Variants in CSMD1 observed in about 807,000 individuals in gnomAD.
CSMD1 encodes CUB and Sushi multiple domains 1, also known as CUB and sushi domain-containing protein 1.
In CSMD1, 213 loss-of-function variants were observed where a neutral mutation model predicts 417.5. The observed-to-expected ratio is 0.51, with a 90% CI of 0.46 to 0.57. The LOEUF is 0.57. Ranked by LOEUF, CSMD1 falls within the 20% of genes least tolerant of loss-of-function variation. CSMD1 has a pLI of 0.00. For synonymous variants in CSMD1, 2,862 were observed against 1,736.8 expected (o/e 1.65, Z -16.11); for missense variants, 6,923 against 4,529.7 (o/e 1.53, Z -15.17).
Position 3,309,164 on chromosome 8 carries a change from G to T in CSMD1, c.3632-661C>A, listed in dbSNP as rs536585858. Among the ~76,000 whole-genome samples, 4 of 152,210 alleles carry T rather than the reference G, an allele frequency of 2.6e-5. No individual in the cohort carries two copies. The East Asian group carries it at 7.7e-4, about 29-fold the overall frequency. On this transcript the variant is annotated intron_variant, in intron 23 of 69. Coordinates refer to ENST00000635120, the MANE Select transcript of CSMD1 (RefSeq NM_033225.6). ...TACTCTGCTGCCTCTTTGCCCCTCT[G>T]TCACAACCTAGACCTCCAAGGAAGA...
chr8:4,182,340 C>G (rs568456271), intron 3 of CSMD1, among the ~76,000 whole-genome samples: 1 of 152,040 alleles, frequency 6.6e-6, no homozygotes. Context: ...TTGTAATCCC[C>G]AATACACCTT....
At chr8:4,450,578 C>A (rs1585096409) in intron 2 of CSMD1, among the ~76,000 whole-genome samples, 1 of 152,016 alleles carries the variant, frequency 6.6e-6, no homozygotes, top group East Asian at 1.9e-4. Context: ...GAGGTTGCAG[C>A]CCAGATCGCA....
intron 3 of CSMD1, among the ~76,000 whole-genome samples, chr8:4,346,353 T>C (rs1016882261): frequency 1.3e-5 from 2 of 152,296 alleles, no homozygotes; most frequent in African/African-American, 2.4e-5. Context: ...TGCCCATCTA[T>C]TTCCATACGA....
chr8:3,753,955 G>A lies in CSMD1; in HGVS notation c.906C>T (p.Arg302=). The A allele has an allele frequency of 1.2e-6, 2 of 1,610,616 alleles. No homozygotes were observed. The highest frequency in any genetic ancestry group is 1.3e-5 in the African/African-American group (1 of 74,460). ...LHFTSDSNHR[R]KGFNAQFQVK... Reference sequence around the variant, plus strand: ...CTTGGAACTGAGCGTTAAATCCTTTGCGTCGGTGGTTGCTGTCAGAGGTGA... The same window carrying A: ...CTTGGAACTGAGCGTTAAATCCTTTACGTCGGTGGTTGCTGTCAGAGGTGA... Residue 302 remains arginine (R), a synonymous_variant, in exon 6 of 70, where the codon CGC becomes CGT. Transcript: ENST00000635120.
intron 5 of CSMD1, among the ~76,000 whole-genome samples, chr8:3,861,257 T>C (rs1265781133): frequency 6.6e-6 from 1 of 152,234 alleles, no homozygotes; most frequent in Non-Finnish European, 1.5e-5. Context: ...ACCAACGTAC[T>C]ATGTACCTGC....
intron 4 of CSMD1, 77 bp downstream of exon 4, chr8:4,031,828 G>T (rs567942944): frequency 3.5e-6 from 4 of 1,132,698 alleles, no homozygotes; most frequent in Admixed American, 3.1e-5. Flanking sequence ...CATTTAAGTG[G>T]AAACTTTCAT....
intron 1 of CSMD1, among the ~76,000 whole-genome samples, chr8:4,818,290 AG>A (rs376622431): frequency 2.7e-3 from 406 of 152,312 alleles, no homozygotes; most frequent in Non-Finnish European, 4.1e-3. Flanking sequence ...AGTCTAGAAA[AG>A]CTCGATGAAA....
intron 1 of CSMD1, among the ~76,000 whole-genome samples, chr8:4,759,945 G>C (rs139452793): frequency 6.6e-6 from 1 of 152,134 alleles, no homozygotes; most frequent in Admixed American, 6.6e-5. Context: ...GAATTACTAG[G>C]TCAAAGGGTA....
chr8:3,617,362 C>A (rs1215790120), intron 7 of CSMD1, among the ~76,000 whole-genome samples: 1 of 152,170 alleles, frequency 6.6e-6, no homozygotes, highest in Middle Eastern at 3.2e-3. Flanking sequence ...GGACTTGCAC[C>A]ATCACAGAAT....
chr8:4,720,900 G>A (rs1299436682), intron 1 of CSMD1, among the ~76,000 whole-genome samples: 1 of 152,108 alleles, frequency 6.6e-6, no homozygotes. Flanking sequence ...CATACCTGGT[G>A]ACCTTGATCA....
At chr8:4,125,271 C>G (rs1802696776) in intron 3 of CSMD1, among the ~76,000 whole-genome samples, 1 of 152,202 alleles carries the variant, frequency 6.6e-6, no homozygotes, top group Non-Finnish European at 1.5e-5. Context: ...CACCCCTCTG[C>G]TCACTGAGAT....
chr8:3,889,867 G>T (rs1000432429), intron 5 of CSMD1, among the ~76,000 whole-genome samples: 1 of 151,864 alleles, frequency 6.6e-6, no homozygotes, highest in Non-Finnish European at 1.5e-5. Context: ...ATTACCAAAG[G>T]TCAAAGGCAC....
chr8:4,514,142 C>A (rs1169291527), intron 2 of CSMD1, among the ~76,000 whole-genome samples: 1 of 152,124 alleles, frequency 6.6e-6, no homozygotes, highest in Non-Finnish European at 1.5e-5. Context: ...ACAGAGTGAG[C>A]TCCTGGTGAG....
chr8:3,630,811 T>C (rs1235751300), intron 7 of CSMD1, among the ~76,000 whole-genome samples: 2 of 152,090 alleles, frequency 1.3e-5, no homozygotes, highest in African/African-American at 4.8e-5. Context: ...ATTTGGAAGG[T>C]CAAGAGTTCC....
At chr8:3,017,806 TAAAAAAAAAAAAA>T (rs777717027) in intron 52 of CSMD1, among the ~76,000 whole-genome samples, 3 of 76,484 alleles carry the variant, frequency 3.9e-5, no homozygotes, top group East Asian at 3.8e-4. Context: ...TTGAGTGATT[TAAAAAAAAAAAAA>T]AAAAAAAAAA....
intron 51 of CSMD1, among the ~76,000 whole-genome samples, chr8:3,026,944 A>C (rs1809975039): frequency 6.6e-6 from 1 of 152,170 alleles, no homozygotes; most frequent in Non-Finnish European, 1.5e-5. Flanking sequence ...TTTCCAAAAC[A>C]TTGAGGCAAG....
intron 3 of CSMD1, among the ~76,000 whole-genome samples, chr8:4,035,094 T>C (rs57424299): frequency 0.05 from 7,578 of 152,234 alleles, 544 homozygotes; most frequent in African/African-American, 0.15. Flanking sequence ...TACAGTAATA[T>C]ATAGTTGTGA....
chr8:3,782,490 T>G (rs1247833293), intron 5 of CSMD1, among the ~76,000 whole-genome samples: 1 of 152,118 alleles, frequency 6.6e-6, no homozygotes, highest in Admixed American at 6.5e-5. Context: ...TAAAATCAAG[T>G]GCTTTTTAAA....
At chr8:3,337,394 T>G (rs73171186) in intron 23 of CSMD1, among the ~76,000 whole-genome samples, 19,616 of 152,172 alleles carry the variant, frequency 0.13, 1,838 homozygotes, top group African/African-American at 0.26. Context: ...TCTGCATAAT[T>G]ACACCCGTGC....
Sources: allele counts gnomAD v4.1 joint callset (sites outside exome capture counted in the v4.1 genomes callset), GRCh38; gene constraint gnomAD v4.1.1; transcripts MANE v1.5; gene names NCBI Gene and HGNC (gene_info 2026-07-23, HGNC 2026-07-21).